Variants in SYNPR observed in about 807,000 individuals in gnomAD.
SYNPR encodes the protein synaptoporin.
Under a neutral mutation model 32.9 loss-of-function variants are expected in SYNPR, and 23 were observed. That is an observed-to-expected ratio of 0.70 (90% CI 0.50 to 0.99). SYNPR has a LOEUF of 0.99. SYNPR is among the 50% of genes least tolerant of loss of function. The pLI, the probability that SYNPR is intolerant of heterozygous loss-of-function variation, is 0.00. For missense variants in SYNPR, 318 were observed against 349.3 expected, an observed-to-expected ratio of 0.91 and a Z score of 0.71; for synonymous variants, 146 against 135.9, an observed-to-expected ratio of 1.07 and a Z score of -0.52.
At chr3:63,316,094 T>C (rs2087040637) in intron 2 of SYNPR, among the ~76,000 whole-genome samples, 1 of 152,136 alleles carries the variant, frequency 6.6e-6, no homozygotes, top group Admixed American at 6.5e-5. Context: ...GAAACCCACT[T>C]GATCATGGTG....
chr3:63,245,130 A>C (rs1315930531), intron 1 of SYNPR, among the ~76,000 whole-genome samples: 1 of 152,042 alleles, frequency 6.6e-6, no homozygotes, highest in Non-Finnish European at 1.5e-5. Flanking sequence ...TCTTTCCAAA[A>C]TTTTATTTTT....
intron 2 of SYNPR, among the ~76,000 whole-genome samples, chr3:63,385,306 T>C (rs1230459720): frequency 6.6e-6 from 1 of 152,200 alleles, no homozygotes; most frequent in African/African-American, 2.4e-5. Context: ...GGTTAGCAAG[T>C]GTTACGGAGG....
At chr3:63,349,454 GA>G (rs1158560733) in intron 2 of SYNPR, among the ~76,000 whole-genome samples, 1 of 152,154 alleles carries the variant, frequency 6.6e-6, no homozygotes, top group African/African-American at 2.4e-5. Flanking sequence ...ATTTGTTTGT[GA>G]CATCTACAAT....
intron 2 of SYNPR, among the ~76,000 whole-genome samples, chr3:63,467,193 T>C (rs1700700215): frequency 6.6e-6 from 1 of 152,042 alleles, no homozygotes; most frequent in Admixed American, 6.6e-5. Flanking sequence ...TTTATTTTAT[T>C]TAATTTATTT....
intron 2 of SYNPR, among the ~76,000 whole-genome samples, chr3:63,418,591 C>A (rs1388350754): frequency 6.6e-6 from 1 of 152,180 alleles, no homozygotes; most frequent in Non-Finnish European, 1.5e-5. Flanking sequence ...GTTTAATGGA[C>A]TCACAGTTCC....
chr3:63,611,844 T>C (rs962040694), intron 5 of SYNPR, among the ~76,000 whole-genome samples: 1 of 152,192 alleles, frequency 6.6e-6, no homozygotes, highest in Admixed American at 6.5e-5. Context: ...TTAGGCCAGA[T>C]GCCCACCTCA....
intron 2 of SYNPR, among the ~76,000 whole-genome samples, chr3:63,296,644 G>A (rs370768356): frequency 6.6e-6 from 1 of 152,214 alleles, no homozygotes; most frequent in East Asian, 1.9e-4. Flanking sequence ...AATGGGGGCA[G>A]TGGCCCATAT....
chr3:63,448,995 A>T (rs2107172390), intron 2 of SYNPR, among the ~76,000 whole-genome samples: 1 of 152,324 alleles, frequency 6.6e-6, no homozygotes, highest in African/African-American at 2.4e-5. Context: ...GGTAGGAAGC[A>T]GGGAGCTGGA....
intron 2 of SYNPR, among the ~76,000 whole-genome samples, chr3:63,437,379 C>A (rs945450181): frequency 6.6e-6 from 1 of 152,058 alleles, no homozygotes; most frequent in African/African-American, 2.4e-5. Flanking sequence ...AGTGACAAGA[C>A]CACACAAGTA....
chr3:63,352,352 C>T (rs17068291), intron 2 of SYNPR, among the ~76,000 whole-genome samples: 3 of 151,942 alleles, frequency 2.0e-5, no homozygotes, highest in Non-Finnish European at 4.4e-5. Context: ...CCGGCAGATT[C>T]GGCTGGAAAA....
chr3:63,496,246 C>A (rs1030414005), intron 3 of SYNPR, among the ~76,000 whole-genome samples: 1 of 152,088 alleles, frequency 6.6e-6, no homozygotes, highest in Middle Eastern at 3.4e-3. Context: ...CAGAACTTTT[C>A]TTTTTATGCA....
At chr3:63,310,667 G>A (rs1523437) in intron 2 of SYNPR, among the ~76,000 whole-genome samples, 130,657 of 151,936 alleles carry the variant, frequency 0.86, 56,876 homozygotes, top group African/African-American at 0.96. Flanking sequence ...TGCTGTCCCA[G>A]TGGCTCTGAT....
At chr3:63,273,838 GAC>G (rs1438656561), upstream of SYNPR, among the ~76,000 whole-genome samples, 1 of 152,094 alleles carries the variant, frequency 6.6e-6, no homozygotes, top group African/African-American at 2.4e-5. Context: ...ATCCAATTAA[GAC>G]ACAGGAACAT....
chr3:63,482,708 C>G (rs1701071364), intron 3 of SYNPR, among the ~76,000 whole-genome samples: 1 of 152,170 alleles, frequency 6.6e-6, no homozygotes, highest in South Asian at 2.1e-4. Flanking sequence ...CTTTTGCCCC[C>G]ATTAATGTTC....
At chr3:63,268,762 T>C (rs78957689) in intron 3 of SYNPR, among the ~76,000 whole-genome samples, 2,462 of 152,266 alleles carry the variant, frequency 0.016, 74 homozygotes, top group African/African-American at 0.055. Context: ...TTCAAACCCA[T>C]GTTACTCAAG....
chr3:63,429,659 T>C (rs1699956547), intron 2 of SYNPR, among the ~76,000 whole-genome samples: 1 of 152,250 alleles, frequency 6.6e-6, no homozygotes, highest in Non-Finnish European at 1.5e-5. Flanking sequence ...ATAGAGTTGA[T>C]GGAAAACATT....
At chr3:63,356,361 AG>A (rs2087577497) in intron 2 of SYNPR, among the ~76,000 whole-genome samples, 1 of 152,230 alleles carries the variant, frequency 6.6e-6, no homozygotes, top group Non-Finnish European at 1.5e-5. Flanking sequence ...CCTTTATTCA[AG>A]GTGTCCACCA....
At chr3:63,594,630 A>G (rs1699899789) in intron 4 of SYNPR, among the ~76,000 whole-genome samples, 1 of 152,138 alleles carries the variant, frequency 6.6e-6, no homozygotes, top group African/African-American at 2.4e-5. Flanking sequence ...TTACAATAGT[A>G]TCTACCCCAA....
At chr3:63,531,438 G>A (rs140162845) in intron 3 of SYNPR, among the ~76,000 whole-genome samples, 4 of 152,074 alleles carry the variant, frequency 2.6e-5, no homozygotes, top group African/African-American at 9.6e-5. Flanking sequence ...CTCTACCTCG[G>A]CTAACAAGTG....
Sources: gnomAD v4.1 joint callset for allele counts (sites outside exome capture counted in the v4.1 genomes callset) on GRCh38, gnomAD v4.1.1 for gene constraint, MANE v1.5 for transcripts, NCBI Gene and HGNC (gene_info 2026-07-23, HGNC 2026-07-21) for gene names.